The following RPS6KA6 variants were observed in gnomAD, a reference collection of about 807,000 sequenced individuals.
The protein encoded by RPS6KA6 is ribosomal protein S6 kinase alpha-6.
A neutral mutation model predicts 65.4 loss-of-function variants in RPS6KA6; 27 were observed. The observed-to-expected ratio is 0.41, with a 90% CI of 0.30 to 0.57. The LOEUF (loss-of-function observed/expected upper bound fraction) is 0.57. Ranked by LOEUF, RPS6KA6 falls within the 20% of genes least tolerant of loss-of-function variation. The probability of loss-of-function intolerance (pLI) is 0.24; values close to 1 mark genes in which losing one functional copy is unlikely to be tolerated. For synonymous variants in RPS6KA6, 190 were observed against 184.2 expected (o/e 1.03, Z -0.26); for missense variants, 486 against 555.6 (o/e 0.87, Z 1.26).
Position 84,165,612 on chromosome X carries a change from C to T in RPS6KA6, c.82-1225G>A, listed in dbSNP as rs191055607. 2.5e-3 allele frequency among the ~76,000 whole-genome samples: 283 copies of T among 111,027 alleles called. 1 individual carries two copies. The highest frequency in any genetic ancestry group is 9.0e-3 in the African/African-American group (274 of 30,607). On this transcript the variant is annotated intron_variant, in intron 1 of 21. Coordinates refer to ENST00000262752, the MANE Select transcript of RPS6KA6 (RefSeq NM_014496.5). Reference sequence around the variant, plus strand: ...GACCAGGAAAAGACGCACTTTTGAGCCTGTAAACATAAGGAGAATCCAAGA... The same window carrying T: ...GACCAGGAAAAGACGCACTTTTGAGTCTGTAAACATAAGGAGAATCCAAGA...
At chrX:84,101,510 CCT>C (rs2034258752) in intron 18 of RPS6KA6, among the ~76,000 whole-genome samples, 1 of 110,694 alleles carries the variant, frequency 9.0e-6, no homozygotes, top group East Asian at 2.8e-4. Flanking sequence ...TACAAAAACC[CCT>C]GTGTGGCTAT....
intron 3 of RPS6KA6, among the ~76,000 whole-genome samples, chrX:84,149,630 CT>C (rs1004961689): frequency 3.5e-4 from 38 of 109,788 alleles, no homozygotes; most frequent in African/African-American, 7.6e-4. Flanking sequence ...TGAGAAATGT[CT>C]TTTTTTTTCC....
intron 1 of RPS6KA6, among the ~76,000 whole-genome samples, chrX:84,169,019 TTC>T (rs1251487002): frequency 8.9e-6 from 1 of 112,172 alleles, no homozygotes; most frequent in African/African-American, 3.2e-5. Flanking sequence ...AATTTCTGAA[TTC>T]TCTGGGATAA....
At chrX:84,074,066 G>A (rs914564209) in intron 20 of RPS6KA6, among the ~76,000 whole-genome samples, 1 of 111,745 alleles carries the variant, frequency 8.9e-6, no homozygotes, top group African/African-American at 3.3e-5. Flanking sequence ...AAAGATATCT[G>A]CACTCCTATA....
At chrX:84,155,103 G>A (rs2147580782) in intron 3 of RPS6KA6, among the ~76,000 whole-genome samples, 1 of 110,222 alleles carries the variant, frequency 9.1e-6, no homozygotes, top group South Asian at 3.9e-4. Context: ...TTGAGAAGCT[G>A]GGGATGAAGG....
chrX:84,124,127 T>A (rs933909796), intron 8 of RPS6KA6, among the ~76,000 whole-genome samples: 2 of 111,664 alleles, frequency 1.8e-5, no homozygotes, highest in Non-Finnish European at 3.8e-5. Context: ...CACAGCATTA[T>A]TGGGCTTGGG....
At chrX:84,071,557 T>C (rs1435644779) in intron 20 of RPS6KA6, among the ~76,000 whole-genome samples, 9 of 109,729 alleles carry the variant, frequency 8.2e-5, no homozygotes, top group Non-Finnish European at 1.5e-4. Context: ...TATAGGAAAA[T>C]GAAGAGCAAA....
chrX:84,117,534 A>C, intron 9 of RPS6KA6, 80 bp from the exon 10 acceptor site: 1 of 556,064 alleles, frequency 1.8e-6, no homozygotes, highest in Non-Finnish European at 2.7e-6. Flanking sequence ...AAAAACTGAG[A>C]CTTCTATATA....
chrX:84,180,450 G>T (rs2035833247), intron 1 of RPS6KA6, among the ~76,000 whole-genome samples: 1 of 110,782 alleles, frequency 9.0e-6, no homozygotes, highest in African/African-American at 3.3e-5. Context: ...TATTTGTGTG[G>T]CTCTATTTCT....
At chrX:84,170,068 G>C (rs1375600552) in intron 1 of RPS6KA6, among the ~76,000 whole-genome samples, 3 of 107,519 alleles carry the variant, frequency 2.8e-5, no homozygotes, top group African/African-American at 1.0e-4. Flanking sequence ...TACATGGGAG[G>C]CTGAGGCACA....
chrX:84,123,826 T>G (rs999597679), intron 8 of RPS6KA6, among the ~76,000 whole-genome samples: 1 of 111,660 alleles, frequency 9.0e-6, no homozygotes, highest in African/African-American at 3.3e-5. Context: ...TGTAGAGCAC[T>G]ATGGCCTTGA....
intron 1 of RPS6KA6, among the ~76,000 whole-genome samples, chrX:84,171,503 A>C (rs1241591600): frequency 8.9e-6 from 1 of 111,850 alleles, no homozygotes; most frequent in Non-Finnish European, 1.9e-5. Flanking sequence ...ATAAAACTGT[A>C]AACTATATAC....
At chrX:84,077,391 G>A (rs986995642) in intron 20 of RPS6KA6, among the ~76,000 whole-genome samples, 1 of 111,887 alleles carries the variant, frequency 8.9e-6, no homozygotes, top group East Asian at 2.8e-4. Flanking sequence ...AACGAAGATA[G>A]TATGGTAATA....
rs538020418 is a variant in RPS6KA6, at chrX:84,103,688, G to T, written c.1614+811C>A. The stretch of plus-strand genomic sequence containing the variant: ...CTCTTCATGCTTTATTTTAGAGAGG[G>T]TTGGTAAAGACAATCAAATAATTAA... On this transcript the variant is annotated intron_variant, in intron 17 of 21. Coordinates refer to ENST00000262752, the MANE Select transcript of RPS6KA6 (RefSeq NM_014496.5). 2.6e-4 allele frequency among the ~76,000 whole-genome samples: 29 copies of T among 110,838 alleles called. No individual in the cohort carries two copies. The South Asian group carries it at 7.9e-3, about 30-fold the overall frequency.
chrX:84,171,225 T>C (rs1187992046), intron 1 of RPS6KA6, among the ~76,000 whole-genome samples: 6 of 111,146 alleles, frequency 5.4e-5, no homozygotes, highest in African/African-American at 2.0e-4. Flanking sequence ...CATGTGTTGA[T>C]TACAGCTTGG....
chrX:84,161,614 T>C (rs2035513437), intron 2 of RPS6KA6, among the ~76,000 whole-genome samples: 1 of 111,721 alleles, frequency 9.0e-6, no homozygotes, highest in Non-Finnish European at 1.9e-5. Flanking sequence ...AAATAGCTCC[T>C]ACCTGTGGTT....
intron 1 of RPS6KA6, among the ~76,000 whole-genome samples, chrX:84,179,854 T>G (rs2035825038): frequency 8.9e-6 from 1 of 112,147 alleles, no homozygotes; most frequent in African/African-American, 3.2e-5. Flanking sequence ...CCATTAAGTT[T>G]GAAATGTAAT....
intron 3 of RPS6KA6, among the ~76,000 whole-genome samples, chrX:84,148,620 T>C (rs942308639): frequency 2.7e-5 from 3 of 111,440 alleles, no homozygotes; most frequent in African/African-American, 9.8e-5. Context: ...AAAGACAAAC[T>C]TGAGCTACAT....
At chrX:84,083,941 G>A (rs777985736) in intron 20 of RPS6KA6, among the ~76,000 whole-genome samples, 2 of 112,347 alleles carry the variant, frequency 1.8e-5, no homozygotes, top group Non-Finnish European at 3.8e-5. Flanking sequence ...GTATCTCATT[G>A]TGGTTTTGAT....
Sources: gnomAD v4.1 joint callset for allele counts (sites outside exome capture counted in the v4.1 genomes callset) on GRCh38, gnomAD v4.1.1 for gene constraint, MANE v1.5 for transcripts, NCBI Gene and HGNC (gene_info 2026-07-23, HGNC 2026-07-21) for gene names.